Variants in SLC24A2 observed in about 807,000 individuals in gnomAD.
The protein encoded by SLC24A2 is solute carrier family 24 member 2.
SLC24A2 carries 36 observed loss-of-function variants against 62.0 expected under a neutral mutation model. The ratio of observed to expected loss-of-function variants is 0.58; its 90% CI spans 0.44 to 0.77. The LOEUF (loss-of-function observed/expected upper bound fraction) is 0.77. Among genes scored for constraint, SLC24A2 ranks in the 30% least tolerant of loss-of-function variants. SLC24A2 has a pLI of 0.00. For synonymous variants in SLC24A2, 358 were observed against 294.0 expected (o/e 1.22, Z -2.23); for missense variants, 846 against 817.9 (o/e 1.03, Z -0.42).
chr9:19,591,099 TTCTC>T (rs1226523874), intron 5 of SLC24A2, among the ~76,000 whole-genome samples: 4 of 152,172 alleles, frequency 2.6e-5, no homozygotes, highest in Admixed American at 2.0e-4. Flanking sequence ...TGGCCTTCTC[TTCTC>T]TATCAATTAG....
chr9:19,533,535 C>T (rs1479464146), intron 8 of SLC24A2, among the ~76,000 whole-genome samples: 1 of 152,234 alleles, frequency 6.6e-6, no homozygotes, highest in Non-Finnish European at 1.5e-5. Context: ...TTGTAGCTTT[C>T]ATACTTGCTG....
At chr9:20,114,778 A>T in the SLC24A2 span, among the ~76,000 whole-genome samples, 1 of 152,178 alleles carries the variant, frequency 6.6e-6, no homozygotes, top group Non-Finnish European at 1.5e-5. Flanking sequence ...AGGAACCAGG[A>T]TATGGCCCAA....
the SLC24A2 span, among the ~76,000 whole-genome samples, chr9:19,989,534 G>A: frequency 6.6e-6 from 1 of 152,172 alleles, no homozygotes; most frequent in African/African-American, 2.4e-5. Context: ...ATTCCATAGT[G>A]TTCTTAGGTT....
At chr9:20,287,516 C>A in the SLC24A2 span, among the ~76,000 whole-genome samples, 2 of 152,036 alleles carry the variant, frequency 1.3e-5, no homozygotes, top group Non-Finnish European at 2.9e-5. Flanking sequence ...TTGGTAGCCT[C>A]TAGAAAAAAT....
chr9:19,800,429 C>G, the SLC24A2 span, among the ~76,000 whole-genome samples: 1 of 152,164 alleles, frequency 6.6e-6, no homozygotes, highest in African/African-American at 2.4e-5. Flanking sequence ...TTATTGAGCT[C>G]TGGAACTTTA....
chr9:19,780,095 C>T (rs556609067), intron 2 of SLC24A2, among the ~76,000 whole-genome samples: 1 of 151,836 alleles, frequency 6.6e-6, no homozygotes, highest in Admixed American at 6.6e-5. Context: ...AACAAACAAA[C>T]GGACAAAAAA....
the SLC24A2 span, among the ~76,000 whole-genome samples, chr9:19,833,770 A>G: frequency 6.6e-6 from 1 of 152,238 alleles, no homozygotes; most frequent in Non-Finnish European, 1.5e-5. Context: ...GAATAGGCAG[A>G]CTGCCTCCTC....
chr9:20,077,435 T>C, the SLC24A2 span, among the ~76,000 whole-genome samples: 94 of 152,066 alleles, frequency 6.2e-4, no homozygotes, highest in African/African-American at 2.2e-3. Flanking sequence ...ATTTCTTAAA[T>C]AAAAAAAATG....
the SLC24A2 span, among the ~76,000 whole-genome samples, chr9:20,025,075 T>C: frequency 3.3e-5 from 5 of 152,322 alleles, no homozygotes; most frequent in South Asian, 2.1e-4. Flanking sequence ...AATACTTCCA[T>C]AGATATTATG....
intron 4 of SLC24A2, among the ~76,000 whole-genome samples, chr9:19,608,866 C>T (rs757713078): frequency 6.6e-5 from 10 of 152,066 alleles, no homozygotes; most frequent in Non-Finnish European, 1.0e-4. Context: ...ACTGCTAGAG[C>T]GTTAGTTCAG....
the SLC24A2 span, among the ~76,000 whole-genome samples, chr9:20,188,984 G>T: frequency 6.6e-6 from 1 of 151,652 alleles, no homozygotes; most frequent in Non-Finnish European, 1.5e-5. Flanking sequence ...GAGTTCCTTT[G>T]TTTACACAAG....
At chr9:19,873,459 TTC>T in the SLC24A2 span, among the ~76,000 whole-genome samples, 4 of 151,008 alleles carry the variant, frequency 2.6e-5, no homozygotes, top group Non-Finnish European at 5.9e-5. Flanking sequence ...CTTTCTTTCT[TTC>T]TTTTTCTTTC....
the SLC24A2 span, among the ~76,000 whole-genome samples, chr9:19,868,991 G>T: frequency 6.6e-6 from 1 of 152,010 alleles, no homozygotes; most frequent in Non-Finnish European, 1.5e-5. Context: ...GGGATTTTTT[G>T]TTGTTGTTGA....
the SLC24A2 span, among the ~76,000 whole-genome samples, chr9:20,109,358 C>G: frequency 6.6e-6 from 1 of 152,248 alleles, no homozygotes; most frequent in African/African-American, 2.4e-5. Context: ...AAGCCCCTGG[C>G]TGGCATCTAG....
intron 2 of SLC24A2, among the ~76,000 whole-genome samples, chr9:19,733,917 G>A (rs778693340): frequency 1.7e-4 from 26 of 152,090 alleles, no homozygotes; most frequent in Non-Finnish European, 2.9e-4. Flanking sequence ...CTTATTTCAG[G>A]TAATAAGTCC....
the SLC24A2 span, among the ~76,000 whole-genome samples, chr9:20,007,192 A>G: frequency 1.3e-5 from 2 of 152,188 alleles, no homozygotes; most frequent in East Asian, 1.9e-4. Flanking sequence ...CACAAGATCA[A>G]TTTTGACTGT....
chr9:20,050,240 C>CGAAA, the SLC24A2 span, among the ~76,000 whole-genome samples: 4,698 of 59,468 alleles, frequency 0.079, 93 homozygotes, highest in South Asian at 0.15. Context: ...CCCGTCTCTA[C>CGAAA]AAAAAAAAAA....
rs375718862 is a variant in SLC24A2, at chr9:19,528,134, G to C, written c.1484C>G (p.Ser495Trp). The part of the protein sequence containing the change: ...ITLPDVRKPS[S>W]RKFFPITFFG... ...GAACGTGATGGGAAAAAACTTCCTC[G>C]ATGACTGAAAGACAACCAGGAAGAG... Residue 495 changes from serine to tryptophan, a missense_variant, in exon 9 of 11, where the codon TCG becomes TGG. By Grantham distance (177) the Ser-to-Trp change is radical. Coordinates refer to ENST00000341998, the MANE Select transcript of SLC24A2 (RefSeq NM_020344.4). 2.2e-5 allele frequency: 34 copies of C among 1,575,420 alleles called. No homozygotes were observed. The highest frequency in any genetic ancestry group is 1.3e-4 in the Admixed American group (7 of 55,312).
In SLC24A2 at chr9:19,706,124, G is replaced by C. The variant is rs1334312762; in HGVS notation, c.930+79813C>G. Among the ~76,000 whole-genome samples, 78 of 151,890 alleles carry C rather than the reference G, an allele frequency of 5.1e-4. 1 individual carries two copies. The East Asian group carries it at 0.013, about 25-fold the overall frequency. The stretch of plus-strand genomic sequence containing the variant: ...TTATGAATCTGGGTGCTCCTGTATT[G>C]GGTGCATATATATTTAGGATAGTTA... On this transcript the variant is annotated intron_variant, in intron 2 of 10. Coordinates refer to ENST00000341998, the MANE Select transcript of SLC24A2 (RefSeq NM_020344.4).
Sources: allele counts gnomAD v4.1 joint callset (sites outside exome capture counted in the v4.1 genomes callset), GRCh38; gene constraint gnomAD v4.1.1; transcripts MANE v1.5; gene names NCBI Gene and HGNC (gene_info 2026-07-23, HGNC 2026-07-21).